The following DLGAP1 variants were observed in gnomAD, a reference collection of about 807,000 sequenced individuals.
DLGAP1 encodes disks large-associated protein 1.
A neutral mutation model predicts 90.8 loss-of-function variants in DLGAP1; 11 were observed. The ratio of observed to expected loss-of-function variants is 0.12; its 90% CI spans 0.08 to 0.20. The LOEUF (loss-of-function observed/expected upper bound fraction) is 0.20, where lower values mean the gene tolerates loss of function less well. DLGAP1 is among the 10% of genes least tolerant of loss of function. The pLI is 1.00. For missense variants in DLGAP1, 1,050 were observed against 1,333.8 expected, an observed-to-expected ratio of 0.79 and a Z score of 3.31; for synonymous variants, 558 against 540.7, an observed-to-expected ratio of 1.03 and a Z score of -0.44.
At chr18:4,214,199 A>T (rs1241948293) in intron 1 of DLGAP1, among the ~76,000 whole-genome samples, 1 of 152,154 alleles carries the variant, frequency 6.6e-6, no homozygotes, top group Non-Finnish European at 1.5e-5. Flanking sequence ...AGTATCAAAG[A>T]CAAAAAGAAA....
At chr18:4,396,736 C>T (rs756932459) in intron 1 of DLGAP1, among the ~76,000 whole-genome samples, 3 of 152,104 alleles carry the variant, frequency 2.0e-5, no homozygotes, top group African/African-American at 7.2e-5. Context: ...CTTTTTACCA[C>T]GTGAGCCAGA....
intron 9 of DLGAP1, among the ~76,000 whole-genome samples, chr18:3,555,414 T>A (rs1327185087): frequency 6.7e-6 from 1 of 150,360 alleles, no homozygotes; most frequent in East Asian, 1.9e-4. Context: ...ATAATTCAAA[T>A]AAAGTTCAAC....
At chr18:3,855,615 A>C (rs1274101739) in intron 4 of DLGAP1, among the ~76,000 whole-genome samples, 3 of 152,034 alleles carry the variant, frequency 2.0e-5, no homozygotes, top group African/African-American at 4.8e-5. Flanking sequence ...TAATTAATTA[A>C]TTAATTTATT....
intron 3 of DLGAP1, among the ~76,000 whole-genome samples, chr18:3,937,868 T>G (rs891507758): frequency 1.4e-4 from 21 of 152,184 alleles, no homozygotes; most frequent in Admixed American, 1.3e-3. Context: ...CTGGCTATGA[T>G]GTTTGCAAGG....
chr18:4,376,859 G>C (rs1321849469), intron 1 of DLGAP1, among the ~76,000 whole-genome samples: 1 of 151,982 alleles, frequency 6.6e-6, no homozygotes, highest in Non-Finnish European at 1.5e-5. Context: ...TTGTGCATTG[G>C]GGCACTAAAC....
At chr18:4,394,229 C>A (rs149700841) in intron 1 of DLGAP1, among the ~76,000 whole-genome samples, 1 of 152,118 alleles carries the variant, frequency 6.6e-6, no homozygotes, top group Non-Finnish European at 1.5e-5. Context: ...CTTGAAAAAA[C>A]GTATTCATTT....
chr18:3,575,188 T>G (rs1167576278), intron 8 of DLGAP1, among the ~76,000 whole-genome samples: 1 of 152,210 alleles, frequency 6.6e-6, no homozygotes, highest in Non-Finnish European at 1.5e-5. Flanking sequence ...AGAGACAAGT[T>G]TCATTATCTG....
intron 3 of DLGAP1, among the ~76,000 whole-genome samples, chr18:3,931,218 T>G (rs1409262689): frequency 6.6e-6 from 1 of 152,194 alleles, no homozygotes; most frequent in Admixed American, 6.5e-5. Context: ...TTTCCTTGCT[T>G]GGAGAGGTAA....
intron 1 of DLGAP1, among the ~76,000 whole-genome samples, chr18:4,353,302 C>T (rs965997572): frequency 6.6e-6 from 1 of 152,144 alleles, no homozygotes; most frequent in Non-Finnish European, 1.5e-5. Context: ...CACGGGGCTG[C>T]GAGTCACAAT....
chr18:4,019,746 A>C (rs1360720619), intron 2 of DLGAP1, among the ~76,000 whole-genome samples: 1 of 152,112 alleles, frequency 6.6e-6, no homozygotes, highest in East Asian at 1.9e-4. Context: ...TCAATCTTTA[A>C]CCAGGGTACC....
At chr18:3,964,198 A>G (rs1206312384) in intron 3 of DLGAP1, among the ~76,000 whole-genome samples, 1 of 152,218 alleles carries the variant, frequency 6.6e-6, no homozygotes, top group Non-Finnish European at 1.5e-5. Context: ...TCTTTAAAAA[A>G]GGGGCAGTGC....
At chr18:3,619,165 T>C (rs942515330) in intron 7 of DLGAP1, among the ~76,000 whole-genome samples, 6 of 152,136 alleles carry the variant, frequency 3.9e-5, no homozygotes, top group African/African-American at 1.4e-4. Flanking sequence ...GGAAATAAGC[T>C]TCTGTTGTTT....
intron 7 of DLGAP1, among the ~76,000 whole-genome samples, chr18:3,582,781 C>A (rs561994341): frequency 6.6e-6 from 1 of 152,238 alleles, no homozygotes. Flanking sequence ...AGGGTACACA[C>A]GCCATGGTAG....
chr18:3,629,104 A>C (rs935072290), intron 7 of DLGAP1, among the ~76,000 whole-genome samples: 1 of 152,212 alleles, frequency 6.6e-6, no homozygotes, highest in African/African-American at 2.4e-5. Flanking sequence ...TTGCTGCTGC[A>C]TATCTTTGCC....
intron 2 of DLGAP1, among the ~76,000 whole-genome samples, chr18:4,129,065 T>A (rs2076274528): frequency 6.6e-6 from 1 of 152,136 alleles, no homozygotes; most frequent in Non-Finnish European, 1.5e-5. Flanking sequence ...CAAGGGGCAT[T>A]TGCAGTCAAA....
chr18:4,386,642 G>C (rs1318700155), intron 1 of DLGAP1, among the ~76,000 whole-genome samples: 1 of 152,192 alleles, frequency 6.6e-6, no homozygotes, highest in African/African-American at 2.4e-5. Context: ...ATGGGCATGA[G>C]TTTTCTTAGG....
intron 1 of DLGAP1, among the ~76,000 whole-genome samples, chr18:4,308,067 T>G (rs1037307067): frequency 9.2e-5 from 14 of 152,144 alleles, no homozygotes; most frequent in African/African-American, 3.1e-4. Context: ...TGTCATCCCA[T>G]CTGAATGTTA....
chr18:4,355,326 A>G (rs1375733382), intron 1 of DLGAP1, among the ~76,000 whole-genome samples: 1 of 152,242 alleles, frequency 6.6e-6, no homozygotes, highest in Non-Finnish European at 1.5e-5. Context: ...CAAGGCAATT[A>G]TACTGTGTGT....
In DLGAP1 at chr18:3,664,218, C is replaced by CA. The variant is rs1555620386; in HGVS notation, c.1591+64916_1591+64917insT. Among the ~76,000 whole-genome samples, 659 of 75,788 alleles carry CA rather than the reference C, an allele frequency of 8.7e-3. 7 individuals carry two copies. The highest frequency in any genetic ancestry group is 0.024 in the African/African-American group (406 of 17,224). 49.7% of individuals were successfully genotyped at this position (75,788 alleles called of 152,430 possible). ...CACACACACACACACACACACACAC[C>CA]CACACACACACACACACACGGATAT... On this transcript the variant is annotated intron_variant, in intron 7 of 12. Transcript: ENST00000315677.
Sources: gnomAD v4.1 joint callset for allele counts (sites outside exome capture counted in the v4.1 genomes callset) on GRCh38, gnomAD v4.1.1 for gene constraint, MANE v1.5 for transcripts, NCBI Gene and HGNC (gene_info 2026-07-23, HGNC 2026-07-21) for gene names.